Variants in LARP1B observed in about 807,000 individuals in gnomAD.
The protein encoded by LARP1B is la-related protein 1B.
In LARP1B, 76 loss-of-function variants were observed where a neutral mutation model predicts 114.2. The observed-to-expected ratio is 0.67, with a 90% CI of 0.55 to 0.81. The LOEUF (loss-of-function observed/expected upper bound fraction) is 0.81. LARP1B is among the 30% of genes least tolerant of loss of function. The pLI, the probability that LARP1B is intolerant of heterozygous loss-of-function variation, is 0.00. For missense variants in LARP1B, 1,014 were observed against 1,075.8 expected (o/e 0.94, Z 0.80); for synonymous variants, 345 against 348.0 (o/e 0.99, Z 0.10).
At chr4:128,185,885 T>C (rs1355404549) in intron 15 of LARP1B, among the ~76,000 whole-genome samples, 1 of 152,156 alleles carries the variant, frequency 6.6e-6, no homozygotes, top group East Asian at 1.9e-4. Context: ...GCTTCAGACT[T>C]TTGCATTATG....
In LARP1B at chr4:128,091,449, G is replaced by T; in HGVS notation, c.605G>T (p.Gly202Val). The T allele has an allele frequency of 1.2e-6, 2 of 1,610,084 alleles. No homozygotes were observed. The highest frequency in any genetic ancestry group is 1.7e-4 in the Middle Eastern group (1 of 6,036). ...AGTATGATGTATTACTATGATGATG[G>T]TACAGGTGTACAGGTGTATCCTGTG... Reference protein sequence around the residue: ...NTSMMYYYDDGTGVQVYPVEE... With the variant: ...NTSMMYYYDDVTGVQVYPVEE... The change falls in exon 7 of 20, where the codon GGT becomes GTT. Residue 202 changes from glycine to valine, a missense_variant. By Grantham distance (109) the Gly-to-Val change is moderately radical. Transcript: ENST00000326639.
At chr4:128,108,066 C>G (rs1363253402) in intron 9 of LARP1B, 15 of 1,454,710 alleles carry the variant, frequency 1.0e-5, no homozygotes, top group South Asian at 1.0e-4. Flanking sequence ...GTTGGGCCAA[C>G]ACTGCAGTGG....
rs373986045 is a variant in LARP1B at position 128,203,318 on chromosome 4, T to TCTCC, written c.2309+2677_2309+2680dup. Among the ~76,000 whole-genome samples, 25 of 146,808 alleles carry TCTCC rather than the reference T, an allele frequency of 1.7e-4. No individual in the cohort carries two copies. The South Asian group carries it at 2.1e-3, about 12-fold the overall frequency. ...TAAGTGCTTGACAAATGATTCCCTC[T>TCTCC]CTCCCTCCCTCCCTCCCTCCCTCCC... On this transcript the variant is annotated intron_variant, in intron 17 of 19. Coordinates refer to ENST00000326639, the MANE Select transcript of LARP1B (RefSeq NM_018078.4).
At chr4:128,139,217 T>C (rs1726822378) in intron 11 of LARP1B, among the ~76,000 whole-genome samples, 1 of 152,162 alleles carries the variant, frequency 6.6e-6, no homozygotes, top group South Asian at 2.1e-4. Context: ...CATTACACAT[T>C]GTATACAGGT....
At chr4:128,121,292 T>TTCTATCTATCTGTCTA (rs535022197) in intron 10 of LARP1B, among the ~76,000 whole-genome samples, 13 of 152,222 alleles carry the variant, frequency 8.5e-5, no homozygotes, top group African/African-American at 2.4e-5. Flanking sequence ...AAGACCTTGA[T>TTCTATCTATCTGTCTA]TCTATCTATC....
chr4:128,174,282 A>G (rs971856376), intron 12 of LARP1B, among the ~76,000 whole-genome samples: 1 of 151,870 alleles, frequency 6.6e-6, no homozygotes, highest in Admixed American at 6.6e-5. Context: ...GATGATATTC[A>G]TATATTATCC....
At chr4:128,072,010 A>ATTTATTTG in intron 1 of LARP1B, among the ~76,000 whole-genome samples, 1 of 151,660 alleles carries the variant, frequency 6.6e-6, no homozygotes, top group South Asian at 2.1e-4. Context: ...TACTTTATTT[A>ATTTATTTG]TTTATTTGAG....
rs779390740 is a variant in LARP1B at position 128,107,271 on chromosome 4, T to C, written c.946T>C (p.Cys316Arg). ...AACAGACTTCTCTCAACTGATTGAT[T>C]GTCCAGAGTTTGTACCAGGCCAAGC... ...PPTDFSQLID[C>R]PEFVPGQAFC... The change falls in exon 9 of 20, where the codon TGT (cysteine) becomes CGT (arginine). Residue 316 changes from cysteine (C) to arginine (R), a missense_variant. Transcript: ENST00000326639. 6 of 1,614,184 alleles carry C rather than the reference T, an allele frequency of 3.7e-6. No homozygotes were observed. The Admixed American group carries it at 1.0e-4, about 27-fold the overall frequency.
chr4:128,216,918 A>G (rs1270195272), downstream of LARP1B, among the ~76,000 whole-genome samples: 1 of 152,182 alleles, frequency 6.6e-6, no homozygotes, highest in African/African-American at 2.4e-5. Flanking sequence ...AAAGAAAAAA[A>G]GAGAAGAATC....
Position 128,211,641 on chromosome 4 carries a change from T to C in LARP1B, c.*1588T>C. The C allele has an allele frequency of 3.1e-6, 3 of 982,876 alleles. No homozygotes were observed. The highest frequency in any genetic ancestry group is 3.6e-6 in the Non-Finnish European group (3 of 827,686). The allele number at this position is 982,876 out of a possible 1,614,324, so 60.9% of individuals were successfully genotyped here. A position where few individuals can be genotyped will look rare whatever the true frequency, so the allele number is the denominator to read the frequency against. ...TCTTCAAGTCTTTTCTTAAATGGGGTATGTAGTTCCAGCTTTTCAGTGAGA... is the reference window on the plus strand; with the variant it reads ...TCTTCAAGTCTTTTCTTAAATGGGGCATGTAGTTCCAGCTTTTCAGTGAGA... On this transcript the variant is annotated 3_prime_UTR_variant, in exon 20 of 20. Transcript: ENST00000326639.
At chr4:128,206,680 G>C in intron 18 of LARP1B, 143 bp downstream of exon 18, 2 of 1,377,524 alleles carry the variant, frequency 1.5e-6, no homozygotes, top group Non-Finnish European at 1.9e-6. Context: ...TCTTGATGAA[G>C]GATGGGGCAC....
At position 128,122,116 on chromosome 4, in the gene LARP1B, CAAT is replaced by C. The variant is rs1451750952; in HGVS notation, c.1453_1455del (p.Asn485del). 6.2e-7 allele frequency: 1 copy of C among 1,613,802 alleles called. No individual in the cohort carries two copies. The highest frequency in any genetic ancestry group is 1.3e-5 in the African/African-American group (1 of 74,870). ...TCACATCTGAACTTGCTAAAGTTAT[CAAT>C]GATGGCTTATACTATTATGAACAGG... On this transcript the variant is annotated inframe_deletion, in exon 11 of 20. Transcript: ENST00000326639.
chr4:128,086,102 C>A (rs1178358035), intron 5 of LARP1B, among the ~76,000 whole-genome samples: 1 of 150,068 alleles, frequency 6.7e-6, no homozygotes, highest in Non-Finnish European at 1.5e-5. Context: ...CAAGTTCCGC[C>A]TCCCTGGTTC....
intron 5 of LARP1B, among the ~76,000 whole-genome samples, chr4:128,088,198 A>G (rs1054109610): frequency 2.4e-4 from 19 of 77,796 alleles, no homozygotes; most frequent in African/African-American, 4.0e-4. Flanking sequence ...TCTAAAATCA[A>G]TAATAATGAT....
intron 8 of LARP1B, among the ~76,000 whole-genome samples, chr4:128,102,644 T>G (rs1580402511): frequency 6.6e-6 from 1 of 152,224 alleles, no homozygotes; most frequent in East Asian, 1.9e-4. Context: ...ATTTTTTAGC[T>G]TACTGCATTC....
chr4:128,133,936 A>T (rs1792387555), intron 11 of LARP1B, among the ~76,000 whole-genome samples: 1 of 151,258 alleles, frequency 6.6e-6, no homozygotes, highest in Non-Finnish European at 1.5e-5. Context: ...ACCTGAAGTG[A>T]TCCACCTGTC....
At chr4:128,088,230 A>C (rs1774459866) in intron 5 of LARP1B, among the ~76,000 whole-genome samples, 1 of 151,902 alleles carries the variant, frequency 6.6e-6, no homozygotes, top group South Asian at 2.1e-4. Flanking sequence ...TGAACAGTGG[A>C]AACTCACCCT....
At chr4:128,156,019 G>A in intron 11 of LARP1B, 1 of 1,567,046 alleles carries the variant, frequency 6.4e-7, no homozygotes, top group South Asian at 1.2e-5. Flanking sequence ...GCCTGTGCTT[G>A]AACCTGCGGC....
At chr4:128,078,693 T>G (rs981493923) in intron 4 of LARP1B, among the ~76,000 whole-genome samples, 2 of 152,192 alleles carry the variant, frequency 1.3e-5, no homozygotes, top group African/African-American at 4.8e-5. Context: ...AAATATTGTC[T>G]TCATATCCTT....
Sources: gnomAD v4.1 joint callset for allele counts (sites outside exome capture counted in the v4.1 genomes callset) on GRCh38, gnomAD v4.1.1 for gene constraint, MANE v1.5 for transcripts, NCBI Gene and HGNC (gene_info 2026-07-23, HGNC 2026-07-21) for gene names.